CA10: variants seen among roughly 807,000 people sequenced by gnomAD.
CA10 encodes carbonic anhydrase-related protein 10.
In CA10, 14 loss-of-function variants were observed where a neutral mutation model predicts 44.2. The ratio of observed to expected loss-of-function variants is 0.32; its 90% CI spans 0.21 to 0.50. The LOEUF (loss-of-function observed/expected upper bound fraction) is 0.50, where lower values mean the gene tolerates loss of function less well. CA10 is among the 20% of genes least tolerant of loss of function. The probability of loss-of-function intolerance (pLI) is 0.99; values close to 1 mark genes in which losing one functional copy is unlikely to be tolerated. For synonymous variants in CA10, 159 were observed against 141.6 expected (o/e 1.12, Z -0.87); for missense variants, 350 against 409.7 (o/e 0.85, Z 1.26).
chr17:51,836,636 G>A (rs1198306450), intron 3 of CA10, among the ~76,000 whole-genome samples: 3 of 152,188 alleles, frequency 2.0e-5, no homozygotes, highest in Admixed American at 1.3e-4. Context: ...TCATGCATTC[G>A]CAAATGCTTA....
intron 3 of CA10, among the ~76,000 whole-genome samples, chr17:51,799,516 A>G (rs983667408): frequency 8.5e-5 from 13 of 152,168 alleles, no homozygotes; most frequent in Non-Finnish European, 1.9e-4. Context: ...TCCCCTGGGT[A>G]CAATATCCTA....
chr17:52,143,537 A>G (rs2143390097), intron 1 of CA10, among the ~76,000 whole-genome samples: 1 of 152,338 alleles, frequency 6.6e-6, no homozygotes, highest in East Asian at 1.9e-4. Context: ...GTTATAAAAT[A>G]ATCCAGTGGG....
intron 1 of CA10, among the ~76,000 whole-genome samples, chr17:52,111,037 A>C (rs1988779267): frequency 6.6e-6 from 1 of 152,220 alleles, no homozygotes; most frequent in Non-Finnish European, 1.5e-5. Flanking sequence ...AAATTGAAGA[A>C]TCTAAATTGC....
intron 1 of CA10, among the ~76,000 whole-genome samples, chr17:52,093,034 GA>G (rs1335007828): frequency 1.3e-5 from 2 of 151,686 alleles, no homozygotes; most frequent in Non-Finnish European, 2.9e-5. Flanking sequence ...ATGTTGACGA[GA>G]AAAAAAATTG....
intron 4 of CA10, among the ~76,000 whole-genome samples, chr17:51,666,273 C>T (rs141255711): frequency 2.7e-3 from 414 of 152,094 alleles, no homozygotes; most frequent in Admixed American, 6.6e-3. Flanking sequence ...AGGCTGGAGC[C>T]CAGAAGGGAA....
intron 2 of CA10, among the ~76,000 whole-genome samples, chr17:52,008,058 A>G (rs1057379796): frequency 1.3e-5 from 2 of 151,568 alleles, no homozygotes; most frequent in African/African-American, 4.8e-5. Flanking sequence ...TTACTCATTC[A>G]GTCTCTCTTT....
intron 2 of CA10, among the ~76,000 whole-genome samples, chr17:51,959,527 A>G (rs922681911): frequency 6.6e-6 from 1 of 152,012 alleles, no homozygotes; most frequent in Non-Finnish European, 1.5e-5. Flanking sequence ...AAGTACACCT[A>G]ATTTTGTGTA....
rs116148072 is a variant in CA10, at chr17:51,653,209, T to G, written c.561+432A>C. 6.2e-3 allele frequency among the ~76,000 whole-genome samples: 941 copies of G among 152,274 alleles called. 6 individuals are homozygous for G. The highest frequency in any genetic ancestry group is 0.022 in the African/African-American group (914 of 41,554). ...GAGGAAGCTGGAAGGAGCTATTTAG[T>G]GCAGTGCCTGGAGGGGAGAGACATC... On this transcript the variant is annotated intron_variant, in intron 5 of 8. Coordinates refer to ENST00000451037, the MANE Select transcript of CA10 (RefSeq NM_020178.5).
intron 3 of CA10, among the ~76,000 whole-genome samples, chr17:51,852,995 T>A (rs543232444): frequency 4.3e-4 from 65 of 150,708 alleles, no homozygotes; most frequent in African/African-American, 1.6e-3. Flanking sequence ...GCTGTTTTAT[T>A]TAAATGAAAA....
intron 2 of CA10, among the ~76,000 whole-genome samples, chr17:51,995,820 T>C (rs1985215419): frequency 6.6e-6 from 1 of 152,066 alleles, no homozygotes; most frequent in African/African-American, 2.4e-5. Context: ...GGAACCTAAC[T>C]GGGCCAGCTT....
chr17:52,102,941 G>A (rs1465930965), intron 1 of CA10, among the ~76,000 whole-genome samples: 1 of 152,036 alleles, frequency 6.6e-6, no homozygotes, highest in African/African-American at 2.4e-5. Context: ...ACTTACTGTT[G>A]ACATGCATAT....
At chr17:52,155,223 G>T (rs574875546) in intron 1 of CA10, among the ~76,000 whole-genome samples, 1 of 152,308 alleles carries the variant, frequency 6.6e-6, no homozygotes, top group East Asian at 1.9e-4. Context: ...CACCCACTTA[G>T]TGGTCAGGAA....
chr17:52,014,824 G>A (rs1364240492), intron 2 of CA10, among the ~76,000 whole-genome samples: 1 of 151,982 alleles, frequency 6.6e-6, no homozygotes, highest in Non-Finnish European at 1.5e-5. Context: ...ATTTTCACTT[G>A]TGATTCAGAG....
chr17:51,849,527 C>T (rs1330288334), intron 3 of CA10, among the ~76,000 whole-genome samples: 4 of 151,810 alleles, frequency 2.6e-5, no homozygotes, highest in East Asian at 1.9e-4. Context: ...TGAAACCTGG[C>T]TTCACCATTC....
At chr17:51,917,921 TC>T (rs1387848895) in intron 3 of CA10, among the ~76,000 whole-genome samples, 3 of 152,106 alleles carry the variant, frequency 2.0e-5, no homozygotes, top group Non-Finnish European at 4.4e-5. Context: ...CAGGCCTACT[TC>T]CCCCATTCCC....
chr17:52,120,748 G>T (rs1272038812), intron 1 of CA10, among the ~76,000 whole-genome samples: 1 of 152,160 alleles, frequency 6.6e-6, no homozygotes, highest in East Asian at 1.9e-4. Flanking sequence ...TCATGCAGGG[G>T]GAGAAGGCTA....
At chr17:51,697,120 G>C (rs1030327482) in intron 4 of CA10, among the ~76,000 whole-genome samples, 6 of 150,760 alleles carry the variant, frequency 4.0e-5, no homozygotes, top group African/African-American at 1.5e-4. Flanking sequence ...GAGCTGAACT[G>C]TACTAGTACC....
chr17:51,830,517 T>A (rs1908198544), intron 3 of CA10, among the ~76,000 whole-genome samples: 1 of 152,116 alleles, frequency 6.6e-6, no homozygotes, highest in Admixed American at 6.5e-5. Context: ...TCATGAAGAG[T>A]TTATGATCAG....
chr17:52,093,800 T>C (rs1417518668), intron 1 of CA10, among the ~76,000 whole-genome samples: 1 of 152,208 alleles, frequency 6.6e-6, no homozygotes, highest in Non-Finnish European at 1.5e-5. Context: ...CTGTACTAGA[T>C]GTTTTGCAAG....
Sources: gnomAD v4.1 joint callset for allele counts (sites outside exome capture counted in the v4.1 genomes callset) on GRCh38, gnomAD v4.1.1 for gene constraint, MANE v1.5 for transcripts, NCBI Gene and HGNC (gene_info 2026-07-23, HGNC 2026-07-21) for gene names.